The following MT1M variants were observed in gnomAD, a reference collection of about 807,000 sequenced individuals.
The protein encoded by MT1M is metallothionein-1M.
Under a neutral mutation model 8.5 loss-of-function variants are expected in MT1M, and 11 were observed. The observed-to-expected ratio is 1.29, with a 90% CI of 0.81 to 2.14. The LOEUF (loss-of-function observed/expected upper bound fraction) is 2.14, where lower values mean the gene tolerates loss of function less well. Among genes scored for constraint, MT1M ranks in the 30% most tolerant of loss-of-function variants. MT1M has a pLI of 0.00. For synonymous variants in MT1M, 28 were observed against 30.0 expected (o/e 0.93, Z 0.22); for missense variants, 84 against 76.6 (o/e 1.10, Z -0.36).
chr16:56,633,629 G>C, intron 2 of MT1M, 122 bp from the exon 3 acceptor site: 2 of 1,600,956 alleles, frequency 1.2e-6, no homozygotes, highest in Non-Finnish European at 1.7e-6. Context: ...TCAGAACAGA[G>C]CTGTGCCAGA....
Position 56,633,369 on chromosome 16 carries a change from ACGTGCAAAG to A in MT1M, c.59_67del (p.Thr20_Glu23delinsLys), listed in dbSNP as rs1960315212. ...CTCCTGCGCCTGCACCGGCTCCTGC[ACGTGCAAAG>A]AGTGCAAATGCACCTCCTGCAAGAA... is the stretch of plus-strand genomic sequence containing the variant. On this transcript the variant is annotated inframe_deletion, in exon 2 of 3. Transcript: ENST00000379818. 1 of 1,614,186 alleles carries A rather than the reference ACGTGCAAAG, an allele frequency of 6.2e-7. No individual in the cohort carries two copies. Among genetic ancestry groups the A allele is most frequent in the African/African-American group, 1.3e-5 (1 of 75,046 alleles).
chr16:56,633,678 G>A lies in MT1M; in HGVS notation c.95-73G>A, dbSNP rs1960321291. 3.7e-6 allele frequency: 6 copies of A among 1,605,094 alleles called. No individual in the cohort carries two copies. In the East Asian group the frequency reaches 1.1e-4, roughly 30 times the overall value. ...CTCTGGGTCTGGGTTCTGAGCTCCA[G>A]CCAGGCTTGCTATTGGGGCAGGGCG... is the stretch of plus-strand genomic sequence containing the variant. On this transcript the variant is annotated intron_variant, in intron 2 of 2. Transcript: ENST00000379818.
Position 56,633,744 on chromosome 16 carries a change from T to A in MT1M, c.95-7T>A, listed in dbSNP as rs1251857807. 2 of 1,614,088 alleles carry A rather than the reference T, an allele frequency of 1.2e-6. No homozygotes were observed. The highest frequency in any genetic ancestry group is 1.7e-6 in the Non-Finnish European group (2 of 1,180,012). On this transcript the variant is annotated splice_polypyrimidine_tract_variant and splice_region_variant and intron_variant, in intron 2 of 2. Coordinates refer to ENST00000379818, the MANE Select transcript of MT1M (RefSeq NM_176870.3). ...TACTGCTACCTCTCTCTCCCCTTCT[T>A]CCCCAGGCTGCTGCTCCTGCTGCCC...
chr16:56,633,443 G>C, intron 2 of MT1M, 38 bp downstream of exon 2: 1 of 1,614,252 alleles, frequency 6.2e-7, no homozygotes, highest in Non-Finnish European at 8.5e-7. Context: ...TGGGGCTGTG[G>C]CTGAGATTGG....
At chr16:56,633,218 A>AGTGGGAAAGGAGCTCT (rs1960312137) in intron 1 of MT1M, 122 bp from the exon 2 acceptor site, 17 of 1,450,642 alleles carry the variant, frequency 1.2e-5, no homozygotes, top group Non-Finnish European at 1.5e-5. Context: ...GCTTTCCCTG[A>AGTGGGAAAGGAGCTCT]GTGGGAAAGG....
chr16:56,633,651 TC>T (rs2144315438), intron 2 of MT1M, 99 bp from the exon 3 acceptor site: 1 of 1,600,916 alleles, frequency 6.2e-7, no homozygotes, highest in Non-Finnish European at 8.6e-7. Flanking sequence ...GTAAAAAGCT[TC>T]CTCTGGGTCT....
At chr16:56,633,435 GGGCTGT>G in intron 2 of MT1M, 30 bp downstream of exon 2, 2 of 1,614,230 alleles carry the variant, frequency 1.2e-6, no homozygotes, top group Non-Finnish European at 8.5e-7. Context: ...CAGGAATCTG[GGGCTGT>G]GGCTGAGATT....
In MT1M at chr16:56,633,829, G is replaced by T. The variant is rs773871114; in HGVS notation, c.173G>T (p.Ser58Ile). The change falls in exon 3 of 3, where the codon AGC (serine) becomes ATC (isoleucine). Residue 58 changes from serine to isoleucine, a missense_variant. Coordinates refer to ENST00000379818, the MANE Select transcript of MT1M (RefSeq NM_176870.3). ...CVCKGTLENC[S>I]CCA ...TGCAAAGGGACGTTGGAGAACTGCA[G>T]CTGCTGTGCCTGATGTGGGAACAGC... is the stretch of plus-strand genomic sequence containing the variant. The T allele has an allele frequency of 6.2e-7, 1 of 1,614,226 alleles. No homozygotes were observed. Among genetic ancestry groups the T allele is most frequent in the African/African-American group, 1.3e-5 (1 of 75,058 alleles).
chr16:56,633,840 T>C lies in MT1M; in HGVS notation c.184T>C (p.Ter62ArgextTer10), dbSNP rs1341504686. 6.2e-7 allele frequency: 1 copy of C among 1,614,028 alleles called. No homozygotes were observed. Among genetic ancestry groups the C allele is most frequent in the Non-Finnish European group, 8.5e-7 (1 of 1,179,996 alleles). ...GTTGGAGAACTGCAGCTGCTGTGCC[T>C]GATGTGGGAACAGCTCTTCTCCCAG... ...GTLENCSCCA[*>R] is the part of the protein sequence containing the mutation. Residue 62 changes from the stop codon to arginine (R), a stop_lost, in exon 3 of 3, where the codon TGA becomes CGA. Coordinates refer to ENST00000379818, the MANE Select transcript of MT1M (RefSeq NM_176870.3).
rs575154663 is a variant in MT1M, at chr16:56,633,633, T to C, written c.95-118T>C. The C allele has an allele frequency of 3.3e-5, 53 of 1,600,482 alleles. No homozygotes were observed. The African/African-American group carries it at 6.4e-4, about 19-fold the overall frequency. On this transcript the variant is annotated intron_variant, in intron 2 of 2. Transcript: ENST00000379818. Reference sequence around the variant, plus strand: ...CATCTATGGTTTCAGAACAGAGCTGTGCCAGACGTAAAAAGCTTCCTCTGG... The same window carrying C: ...CATCTATGGTTTCAGAACAGAGCTGCGCCAGACGTAAAAAGCTTCCTCTGG...
chr16:56,632,943 G>A (rs1442538551), intron 1 of MT1M, among the ~76,000 whole-genome samples, 184 bp downstream of exon 1: 2 of 152,324 alleles, frequency 1.3e-5, no homozygotes, highest in Non-Finnish European at 2.9e-5. Context: ...CTGGGTCAGA[G>A]TTAAGGATAC....
At position 56,633,389 on chromosome 16, in the gene MT1M, C is replaced by A; in HGVS notation, c.78C>A (p.Cys26Ter). Residue 26 changes from cysteine (C) to a stop codon, truncating the protein, a stop_gained, in exon 2 of 3, where the codon TGC (cysteine) becomes TGA (stop). Transcript: ENST00000379818. LOFTEE classifies it high-confidence loss of function. ...TGSCTCKECKCTSCKKSCCSC... is the reference protein window; with the variant it reads ...TGSCTCKECK ...CCTGCACGTGCAAAGAGTGCAAATG[C>A]ACCTCCTGCAAGAAGAGTGAGTGCG... 1 of 1,614,256 alleles carries A rather than the reference C, an allele frequency of 6.2e-7. No homozygotes were observed. Among genetic ancestry groups the A allele is most frequent in the Non-Finnish European group, 8.5e-7 (1 of 1,180,048 alleles).
At position 56,633,131 on chromosome 16, in the gene MT1M, G is replaced by GT; in HGVS notation, c.29-208dup. ...GGCAATCTCAGTATTCCTGGGTTGG[G>GT]TGTGCCCCTGGGACCTTCCTGGTAG... On this transcript the variant is annotated intron_variant, in intron 1 of 2. Transcript: ENST00000379818. Among the ~76,000 whole-genome samples the GT allele has an allele frequency of 2.0e-5, 3 of 152,322 alleles. 1 individual carries two copies. The highest frequency in any genetic ancestry group is 2.0e-4 in the Admixed American group (3 of 15,296).
chr16:56,633,461 C>G, intron 2 of MT1M, 56 bp downstream of exon 2: 1 of 1,614,198 alleles, frequency 6.2e-7, no homozygotes, highest in South Asian at 1.1e-5. Flanking sequence ...TGGGAGGGAA[C>G]CCAAGGCTGG....
intron 2 of MT1M, 54 bp from the exon 3 acceptor site, chr16:56,633,697 C>T: frequency 6.2e-7 from 1 of 1,609,200 alleles, no homozygotes; most frequent in South Asian, 1.1e-5. Context: ...GCTATTGGGG[C>T]AGGGCGGTGC....
rs1960320265 is a variant in MT1M at position 56,633,631 on chromosome 16, T to G, written c.95-120T>G. ...AGCATCTATGGTTTCAGAACAGAGC[T>G]GTGCCAGACGTAAAAAGCTTCCTCT... On this transcript the variant is annotated intron_variant, in intron 2 of 2. Transcript: ENST00000379818. 2.5e-6 allele frequency: 4 copies of G among 1,600,538 alleles called. No individual in the cohort carries two copies. In the African/African-American group the frequency reaches 5.4e-5, roughly 21 times the overall value.
intron 1 of MT1M, 117 bp downstream of exon 1, chr16:56,632,876 C>T: frequency 7.5e-7 from 1 of 1,329,972 alleles, no homozygotes; most frequent in Non-Finnish European, 1.1e-6. Context: ...CCTTTACTTC[C>T]TTAGGTGCTT....
At chr16:56,633,190 T>G in intron 1 of MT1M, 150 bp from the exon 2 acceptor site, 5 of 1,292,842 alleles carry the variant, frequency 3.9e-6, no homozygotes, top group Non-Finnish European at 4.4e-6. Flanking sequence ...CTTCCCAGCG[T>G]TAGTGGAGAG....
chr16:56,633,952 T>C lies in MT1M; in HGVS notation c.*110T>C. On this transcript the variant is annotated 3_prime_UTR_variant, in exon 3 of 3. Transcript: ENST00000379818. ...TGCATTTCTTTTTATATTAAATATG[T>C]GAGTGACAATAAAACAATTTTGACT... is the stretch of plus-strand genomic sequence containing the variant. 8.6e-7 allele frequency: 1 copy of C among 1,168,474 alleles called. No individual in the cohort carries two copies. The highest frequency in any genetic ancestry group is 1.2e-6 in the Non-Finnish European group (1 of 819,406). 72.4% of individuals were successfully genotyped at this position (1,168,474 alleles called of 1,614,324 possible). A position where few individuals can be genotyped will look rare whatever the true frequency, so the allele number is the denominator to read the frequency against.
Sources: allele counts gnomAD v4.1 joint callset (sites outside exome capture counted in the v4.1 genomes callset), GRCh38; gene constraint gnomAD v4.1.1; transcripts MANE v1.5; gene names NCBI Gene and HGNC (gene_info 2026-07-23, HGNC 2026-07-21).